The following CDH13 variants were observed in gnomAD, a reference collection of about 807,000 sequenced individuals.
CDH13 encodes cadherin-13.
In CDH13, 24 loss-of-function variants were observed where a neutral mutation model predicts 63.8. The ratio of observed to expected loss-of-function variants is 0.38; its 90% CI spans 0.27 to 0.53. CDH13 has a LOEUF of 0.53. Ranked by LOEUF, CDH13 falls within the 20% of genes least tolerant of loss-of-function variation. CDH13 has a pLI of 0.85. For missense variants in CDH13, 1,049 were observed against 903.1 expected (o/e 1.16, Z -2.07); for synonymous variants, 503 against 355.3 (o/e 1.42, Z -4.67).
chr16:83,369,651 C>T (rs978236847), intron 6 of CDH13, among the ~76,000 whole-genome samples: 1 of 152,184 alleles, frequency 6.6e-6, no homozygotes, highest in South Asian at 2.1e-4. Flanking sequence ...TCTCACATCC[C>T]TGGCCTCAAG....
rs575704345 is a variant in CDH13 at position 82,640,947 on chromosome 16, T to C, written c.45+13810T>C. 2.0e-4 allele frequency among the ~76,000 whole-genome samples: 31 copies of C among 152,290 alleles called. No individual in the cohort carries two copies. The South Asian group carries it at 3.9e-3, about 19-fold the overall frequency. The stretch of plus-strand genomic sequence containing the variant: ...CGCTCTTGGATTGAATTCCTCTAAA[T>C]AAATAGAGACACAGAATTGGGTTCA... On this transcript the variant is annotated intron_variant, in intron 1 of 13. Coordinates refer to ENST00000567109, the MANE Select transcript of CDH13 (RefSeq NM_001257.5).
At chr16:82,997,441 A>T (rs1487715305) in intron 2 of CDH13, among the ~76,000 whole-genome samples, 6 of 152,224 alleles carry the variant, frequency 3.9e-5, no homozygotes, top group Non-Finnish European at 1.5e-5. Context: ...TAAAGTAAAT[A>T]ATATTTAATG....
At chr16:82,914,808 A>C (rs1326141555) in intron 2 of CDH13, among the ~76,000 whole-genome samples, 1 of 152,198 alleles carries the variant, frequency 6.6e-6, no homozygotes, top group East Asian at 1.9e-4. Flanking sequence ...CTACTACAAA[A>C]TCGTTTCTGC....
At chr16:83,702,938 C>T (rs1293834290) in intron 10 of CDH13, among the ~76,000 whole-genome samples, 1 of 152,146 alleles carries the variant, frequency 6.6e-6, no homozygotes, top group East Asian at 1.9e-4. Context: ...GGAGGTGGGG[C>T]AGGGATGAGC....
chr16:83,019,490 A>C (rs1226178251), intron 2 of CDH13, among the ~76,000 whole-genome samples: 3 of 135,210 alleles, frequency 2.2e-5, no homozygotes, highest in Non-Finnish European at 4.8e-5. Flanking sequence ...TACAGTTAAC[A>C]TTTTCTTTTT....
At chr16:82,898,328 C>T (rs951591061) in intron 2 of CDH13, among the ~76,000 whole-genome samples, 5 of 152,080 alleles carry the variant, frequency 3.3e-5, no homozygotes, top group African/African-American at 1.2e-4. Flanking sequence ...AGTCTGAGAC[C>T]AGCCTGGCCA....
Position 83,545,798 on chromosome 16 carries a change from C to G in CDH13, c.961-56656C>G, listed in dbSNP as rs142812057. On this transcript the variant is annotated intron_variant, in intron 7 of 13. Transcript: ENST00000567109. ...GCTAAGTCCAACTCCTACTTCAAGA[C>G]CGCATTCAAATAATGCCTCCTGTCT... Among the ~76,000 whole-genome samples, 484 of 152,276 alleles carry G rather than the reference C, an allele frequency of 3.2e-3. 7 individuals are homozygous for G. Among genetic ancestry groups the G allele is most frequent in the African/African-American group, 0.011 (451 of 41,546 alleles).
At chr16:83,552,971 C>T (rs1025504138) in intron 7 of CDH13, among the ~76,000 whole-genome samples, 7 of 151,324 alleles carry the variant, frequency 4.6e-5, no homozygotes, top group African/African-American at 7.3e-5. Flanking sequence ...TCCAGTTATT[C>T]GGGAGGCTGA....
At chr16:83,249,842 G>C (rs965845560) in intron 5 of CDH13, among the ~76,000 whole-genome samples, 1 of 152,192 alleles carries the variant, frequency 6.6e-6, no homozygotes, top group Non-Finnish European at 1.5e-5. Context: ...CAAAAAAACT[G>C]CTCATAAGAC....
At chr16:83,271,754 G>GA (rs1242987456) in intron 5 of CDH13, among the ~76,000 whole-genome samples, 3 of 151,982 alleles carry the variant, frequency 2.0e-5, no homozygotes, top group African/African-American at 7.2e-5. Flanking sequence ...ATTTATTTAG[G>GA]ATAATTAGAG....
chr16:83,077,461 G>T (rs1047411999), intron 3 of CDH13, among the ~76,000 whole-genome samples: 5 of 151,734 alleles, frequency 3.3e-5, no homozygotes, highest in African/African-American at 1.2e-4. Context: ...CCAAAGTGCT[G>T]GGATTACAGG....
At chr16:82,949,613 C>G (rs1597275247) in intron 2 of CDH13, among the ~76,000 whole-genome samples, 1 of 152,164 alleles carries the variant, frequency 6.6e-6, no homozygotes, top group Non-Finnish European at 1.5e-5. Context: ...GAGATAAAAA[C>G]CAACTTATTT....
At chr16:83,443,733 A>T (rs1392186978) in intron 6 of CDH13, among the ~76,000 whole-genome samples, 108 of 4,882 alleles carry the variant, frequency 0.022, no homozygotes, top group Non-Finnish European at 0.03. Context: ...AAAAAAAAAA[A>T]AAATATATAT....
At chr16:83,492,142 A>C (rs1421277263) in intron 7 of CDH13, among the ~76,000 whole-genome samples, 1 of 152,184 alleles carries the variant, frequency 6.6e-6, no homozygotes, top group Non-Finnish European at 1.5e-5. Context: ...ATGCATCTCC[A>C]GAAACATACT....
At chr16:82,854,006 C>T (rs1360302259) in intron 1 of CDH13, among the ~76,000 whole-genome samples, 3 of 152,200 alleles carry the variant, frequency 2.0e-5, no homozygotes, top group Non-Finnish European at 4.4e-5. Flanking sequence ...TGCTGCTTTA[C>T]TGCTTTCCAT....
chr16:82,719,091 C>T (rs2032590067), intron 1 of CDH13, among the ~76,000 whole-genome samples: 1 of 152,110 alleles, frequency 6.6e-6, no homozygotes, highest in Non-Finnish European at 1.5e-5. Context: ...ATCAGCTATG[C>T]CATGTGAAAG....
At chr16:83,058,087 T>C (rs916226811) in intron 3 of CDH13, among the ~76,000 whole-genome samples, 1 of 152,234 alleles carries the variant, frequency 6.6e-6, no homozygotes, top group Non-Finnish European at 1.5e-5. Context: ...CACTATATTC[T>C]TAAAAATATA....
At chr16:82,707,670 G>T (rs2031600833) in intron 1 of CDH13, among the ~76,000 whole-genome samples, 1 of 152,268 alleles carries the variant, frequency 6.6e-6, no homozygotes, top group Middle Eastern at 3.4e-3. Flanking sequence ...ACATGGTTTT[G>T]GTAACACCCG....
At chr16:82,998,196 C>A (rs1409897485) in intron 2 of CDH13, among the ~76,000 whole-genome samples, 1 of 152,186 alleles carries the variant, frequency 6.6e-6, no homozygotes, top group African/African-American at 2.4e-5. Flanking sequence ...AAGATCCTCA[C>A]TTTGCTTGTA....
Sources: allele counts gnomAD v4.1 joint callset (sites outside exome capture counted in the v4.1 genomes callset), GRCh38; gene constraint gnomAD v4.1.1; transcripts MANE v1.5; gene names NCBI Gene and HGNC (gene_info 2026-07-23, HGNC 2026-07-21).